TLK2: variants seen among roughly 807,000 people sequenced by gnomAD.
The protein encoded by TLK2 is serine/threonine-protein kinase tousled-like 2.
Under a neutral mutation model 117.3 loss-of-function variants are expected in TLK2, and 6 were observed. The ratio of observed to expected loss-of-function variants is 0.05; its 90% CI spans 0.03 to 0.10. TLK2 has a LOEUF of 0.10. Ranked by LOEUF, TLK2 falls within the 10% of genes least tolerant of loss-of-function variation. TLK2 has a pLI of 1.00. For missense variants in TLK2, 299 were observed against 901.2 expected (o/e 0.33, Z 8.56); for synonymous variants, 257 against 316.7 (o/e 0.81, Z 2.00).
intron 12 of TLK2, among the ~76,000 whole-genome samples, chr17:62,575,675 TTCTC>T (rs1052693731): frequency 2.0e-5 from 3 of 151,788 alleles, no homozygotes; most frequent in Admixed American, 6.6e-5. Flanking sequence ...CTTTCTGTCT[TTCTC>T]TCTCTCTCTC....
intron 7 of TLK2, chr17:62,550,695 C>A (rs2078388181): frequency 6.6e-6 from 1 of 152,226 alleles, no homozygotes; most frequent in Non-Finnish European, 1.5e-5. Flanking sequence ...CTACTGTGGT[C>A]ATTGAGAGCA....
intron 2 of TLK2, among the ~76,000 whole-genome samples, chr17:62,519,615 A>C (rs1199636651): frequency 6.6e-6 from 1 of 152,106 alleles, no homozygotes; most frequent in Non-Finnish European, 1.5e-5. Context: ...GGAGTTCGAG[A>C]CCAGCCTGGC....
chr17:62,526,021 C>A (rs2076346399), intron 6 of TLK2, among the ~76,000 whole-genome samples: 1 of 152,164 alleles, frequency 6.6e-6, no homozygotes, highest in South Asian at 2.1e-4. Context: ...CCACCCATCT[C>A]TCATGTGTCA....
At chr17:62,569,418 T>C (rs1248988054) in intron 11 of TLK2, among the ~76,000 whole-genome samples, 1 of 148,648 alleles carries the variant, frequency 6.7e-6, no homozygotes, top group Non-Finnish European at 1.5e-5. Context: ...GTTTAAATAA[T>C]GACTGGAAAT....
intron 19 of TLK2, among the ~76,000 whole-genome samples, chr17:62,603,473 A>G (rs182088344): frequency 6.6e-6 from 1 of 152,054 alleles, no homozygotes; most frequent in East Asian, 1.9e-4. Flanking sequence ...AAACAGGTCT[A>G]TACCTCTGCT....
At position 62,566,180 on chromosome 17, in the gene TLK2, ATCT is replaced by A. The variant is rs554800096; in HGVS notation, c.968+1048_968+1050del. Among the ~76,000 whole-genome samples, 349 of 152,084 alleles carry A rather than the reference ATCT, an allele frequency of 2.3e-3. 1 individual carries two copies. Among genetic ancestry groups the A allele is most frequent in the African/African-American group, 8.1e-3 (335 of 41,482 alleles). On this transcript the variant is annotated intron_variant, in intron 11 of 21. Coordinates refer to ENST00000346027, the MANE Select transcript of TLK2 (RefSeq NM_006852.6). ...TTCAGATTGCAGTACCTTTTGGTGAATCTTCTTTTTTTTTTTAATCTCTAGGTC... is the reference window on the plus strand; with the variant it reads ...TTCAGATTGCAGTACCTTTTGGTGAATCTTTTTTTTTTTAATCTCTAGGTC...
chr17:62,567,351 G>A (rs2079878181), intron 11 of TLK2, among the ~76,000 whole-genome samples: 1 of 152,198 alleles, frequency 6.6e-6, no homozygotes, highest in African/African-American at 2.4e-5. Context: ...GTATGGTAGA[G>A]TACAAAATGA....
rs71155932 is a variant in TLK2, at chr17:62,487,620, C to CTTT, written c.81+6432_81+6434dup. On this transcript the variant is annotated intron_variant, in intron 2 of 21. Transcript: ENST00000346027. ...CTTTACTTAAATCCTTGGCAAGTAT[C>CTTT]TTTTTTTTTTTTTTTTTTTTGAGAC... is the stretch of plus-strand genomic sequence containing the variant. Among the ~76,000 whole-genome samples, 390 of 104,278 alleles carry CTTT rather than the reference C, an allele frequency of 3.7e-3. 5 individuals are homozygous for CTTT. Among genetic ancestry groups the CTTT allele is most frequent in the Non-Finnish European group, 4.1e-3 (237 of 57,424 alleles). 68.4% of individuals were successfully genotyped at this position (104,278 alleles called of 152,430 possible).
At chr17:62,522,131 T>C in intron 3 of TLK2, 73 bp from the exon 4 acceptor site, 1 of 1,483,052 alleles carries the variant, frequency 6.7e-7, no homozygotes, top group Non-Finnish European at 9.3e-7. Context: ...CAATATTTTG[T>C]GTATACTCGC....
intron 2 of TLK2, among the ~76,000 whole-genome samples, chr17:62,510,134 G>C (rs1019302688): frequency 6.6e-6 from 1 of 152,136 alleles, no homozygotes; most frequent in Non-Finnish European, 1.5e-5. Context: ...TTAGCCAGAC[G>C]TGGTGGCATG....
chr17:62,613,797 C>G lies in TLK2; in HGVS notation c.*1232C>G, dbSNP rs1013834971. The G allele has an allele frequency of 6.6e-6, 1 of 152,122 alleles. No individual in the cohort carries two copies. The highest frequency in any genetic ancestry group is 2.4e-5 in the African/African-American group (1 of 41,422). The allele number at this position is 152,122 out of a possible 1,614,324, so 9.4% of individuals were successfully genotyped here. ...TTTGTCTAGCTCACTTTAAAAGATT[C>G]ATCAAATGGAATTTTAAAAATAATC... On this transcript the variant is annotated 3_prime_UTR_variant, in exon 22 of 22. Transcript: ENST00000346027.
rs1360039994 is a variant in TLK2, at chr17:62,613,325, A to C, written c.*760A>C. Reference sequence around the variant, plus strand: ...GGGAAAAAATTGAGTGGGAGTACTGAGATGTGTGGGTTTTTGCCATTGGAC... The same window carrying C: ...GGGAAAAAATTGAGTGGGAGTACTGCGATGTGTGGGTTTTTGCCATTGGAC... On this transcript the variant is annotated 3_prime_UTR_variant, in exon 22 of 22. Coordinates refer to ENST00000346027, the MANE Select transcript of TLK2 (RefSeq NM_006852.6). 6.6e-6 allele frequency: 1 copy of C among 152,576 alleles called. No individual in the cohort carries two copies. The highest frequency in any genetic ancestry group is 1.5e-5 in the Non-Finnish European group (1 of 68,040). 9.5% of individuals were successfully genotyped at this position (152,576 alleles called of 1,614,324 possible). A position where few individuals can be genotyped will look rare whatever the true frequency, so the allele number is the denominator to read the frequency against.
At chr17:62,588,453 GGTCCTATTTGTCTAA>G (rs2081823222) in intron 16 of TLK2, among the ~76,000 whole-genome samples, 1 of 152,186 alleles carries the variant, frequency 6.6e-6, no homozygotes, top group African/African-American at 2.4e-5. Flanking sequence ...TGAAGGGGAT[GGTCCTATTTGTCTAA>G]GTTCTTTCCA....
rs558335998 is a variant in TLK2, at chr17:62,603,001, C to T, written c.1859+821C>T. Among the ~76,000 whole-genome samples, 48 of 152,246 alleles carry T rather than the reference C, an allele frequency of 3.2e-4. 1 individual carries two copies. In the South Asian group the frequency reaches 7.5e-3, roughly 24 times the overall value. On this transcript the variant is annotated intron_variant, in intron 19 of 21. Coordinates refer to ENST00000346027, the MANE Select transcript of TLK2 (RefSeq NM_006852.6). Reference sequence around the variant, plus strand: ...TTTAGTCCAAATACAAGTCTCTCTTCCTGGCTTAATGGGATGAGGGATTTG... The same window carrying T: ...TTTAGTCCAAATACAAGTCTCTCTTTCTGGCTTAATGGGATGAGGGATTTG...
At chr17:62,512,960 C>A (rs533281621) in intron 2 of TLK2, among the ~76,000 whole-genome samples, 79 of 151,024 alleles carry the variant, frequency 5.2e-4, no homozygotes, top group African/African-American at 1.9e-3. Context: ...CTCATTGCAA[C>A]CTCTGCCTCC....
At chr17:62,582,689 G>C (rs537328186) in intron 15 of TLK2, among the ~76,000 whole-genome samples, 1 of 152,102 alleles carries the variant, frequency 6.6e-6, no homozygotes, top group Non-Finnish European at 1.5e-5. Flanking sequence ...ATTTTTAAGT[G>C]TGTAGTTCAG....
chr17:62,542,920 T>C (rs905742775), intron 7 of TLK2, among the ~76,000 whole-genome samples: 1 of 152,226 alleles, frequency 6.6e-6, no homozygotes, highest in Non-Finnish European at 1.5e-5. Flanking sequence ...TAGGCATTTT[T>C]AAAAAACATG....
chr17:62,564,872 G>T, intron 10 of TLK2, 129 bp from the exon 11 acceptor site: 2 of 1,193,106 alleles, frequency 1.7e-6, no homozygotes, highest in South Asian at 1.7e-5. Flanking sequence ...AGTCATTACT[G>T]ACTGTTCTGA....
In TLK2 at chr17:62,508,966, T is replaced by TCAACAA. The variant is rs201595124; in HGVS notation, c.82-11794_82-11789dup. 3.3e-5 allele frequency among the ~76,000 whole-genome samples: 5 copies of TCAACAA among 151,928 alleles called. No individual in the cohort carries two copies. The East Asian group carries it at 7.7e-4, about 24-fold the overall frequency. On this transcript the variant is annotated intron_variant, in intron 2 of 21. Coordinates refer to ENST00000346027, the MANE Select transcript of TLK2 (RefSeq NM_006852.6). ...CTGGGCAATAGAGTGAGACTCCATC[T>TCAACAA]CAACAACAACAACAACAAAACCAGA... is the stretch of plus-strand genomic sequence containing the variant.
Sources: allele counts gnomAD v4.1 joint callset (sites outside exome capture counted in the v4.1 genomes callset), GRCh38; gene constraint gnomAD v4.1.1; transcripts MANE v1.5; gene names NCBI Gene and HGNC (gene_info 2026-07-23, HGNC 2026-07-21).